The following PDE4D variants were observed in gnomAD, a reference collection of about 807,000 sequenced individuals.
PDE4D encodes the protein 3',5'-cyclic-AMP phosphodiesterase 4D.
In PDE4D, 24 loss-of-function variants were observed where a neutral mutation model predicts 87.4. The ratio of observed to expected loss-of-function variants is 0.27; its 90% confidence interval spans 0.20 to 0.39. The LOEUF is 0.39. Among genes scored for constraint, PDE4D ranks in the 10% least tolerant of loss-of-function variants. The pLI is 1.00. For synonymous variants in PDE4D, 384 were observed against 383.2 expected, an observed-to-expected ratio of 1.00 and a Z score of -0.02; for missense variants, 714 against 1,041.0, an observed-to-expected ratio of 0.69 and a Z score of 4.32.
At chr5:59,215,996 T>C in intron 1 of PDE4D, 28 bp from the exon 2 acceptor site, 1 of 1,528,068 alleles carries the variant, frequency 6.5e-7, no homozygotes, top group Non-Finnish European at 9.0e-7. Context: ...GGAATTATGT[T>C]GCTGTGAACA....
intron 1 of PDE4D, among the ~76,000 whole-genome samples, chr5:59,734,821 G>A (rs1376986373): frequency 6.6e-6 from 1 of 152,176 alleles, no homozygotes; most frequent in Non-Finnish European, 1.5e-5. Context: ...ATTAACCTGA[G>A]TGAGTCCAGT....
chr5:59,380,241 T>A (rs1582257864), intron 1 of PDE4D, among the ~76,000 whole-genome samples: 1 of 151,590 alleles, frequency 6.6e-6, no homozygotes, highest in African/African-American at 2.4e-5. Context: ...CACAACATAA[T>A]TCAAAATAAC....
upstream of PDE4D, among the ~76,000 whole-genome samples, chr5:60,492,285 A>G (rs369809958): frequency 5.9e-5 from 9 of 152,022 alleles, no homozygotes; most frequent in Admixed American, 2.0e-4. Context: ...AAACAAATAA[A>G]TAAATAGCTG....
At chr5:59,016,411 T>C (rs1467309873) in intron 6 of PDE4D, among the ~76,000 whole-genome samples, 1 of 136,880 alleles carries the variant, frequency 7.3e-6, no homozygotes, top group Non-Finnish European at 1.6e-5. Context: ...TTTTTTTTTT[T>C]AATGTAGTCC....
intron 1 of PDE4D, among the ~76,000 whole-genome samples, chr5:59,797,322 G>A (rs1766602602): frequency 6.6e-6 from 1 of 152,210 alleles, no homozygotes; most frequent in South Asian, 2.1e-4. Flanking sequence ...TGTACTGAAT[G>A]TTGTTGGCTT....
At chr5:60,092,125 A>C (rs1775207630) in intron 2 of PDE4D, among the ~76,000 whole-genome samples, 1 of 151,990 alleles carries the variant, frequency 6.6e-6, no homozygotes, top group African/African-American at 2.4e-5. Context: ...AGCCATAAAA[A>C]AGCAATGAAA....
At chr5:60,480,074 C>T (rs1337985630) in intron 1 of PDE4D, among the ~76,000 whole-genome samples, 1 of 152,132 alleles carries the variant, frequency 6.6e-6, no homozygotes, top group Non-Finnish European at 1.5e-5. Context: ...AGTGCAGGGG[C>T]AAACACTCTT....
intron 6 of PDE4D, among the ~76,000 whole-genome samples, chr5:59,026,275 G>A (rs901521382): frequency 6.6e-6 from 1 of 152,162 alleles, no homozygotes; most frequent in Non-Finnish European, 1.5e-5. Flanking sequence ...TCTGAGACAT[G>A]AGTATCTAAA....
chr5:60,193,430 G>A (rs1785353835), intron 1 of PDE4D, among the ~76,000 whole-genome samples: 1 of 152,088 alleles, frequency 6.6e-6, no homozygotes, highest in Admixed American at 6.5e-5. Flanking sequence ...CAGCACTTTG[G>A]GAGGCCGAGG....
intron 1 of PDE4D, among the ~76,000 whole-genome samples, chr5:60,374,583 C>T (rs994789330): frequency 2.0e-5 from 3 of 152,152 alleles, no homozygotes; most frequent in African/African-American, 7.2e-5. Context: ...TCATAAATTG[C>T]TCCAGGGAAG....
At chr5:59,180,523 G>T in intron 5 of PDE4D, 72 bp downstream of exon 5, 1 of 1,154,560 alleles carries the variant, frequency 8.7e-7, no homozygotes, top group Non-Finnish European at 1.3e-6. Flanking sequence ...ATTGGTGTTG[G>T]TGTTATATTG....
intron 1 of PDE4D, among the ~76,000 whole-genome samples, chr5:60,320,970 T>C (rs1342224118): frequency 1.3e-5 from 2 of 152,214 alleles, no homozygotes; most frequent in South Asian, 2.1e-4. Flanking sequence ...AAAACGGTCA[T>C]ATTGCCCAAA....
chr5:59,663,414 G>A lies in PDE4D; in HGVS notation c.455+229754C>T, dbSNP rs542931892. Among the ~76,000 whole-genome samples the A allele has an allele frequency of 2.3e-4, 35 of 152,000 alleles. No individual in the cohort carries two copies. The East Asian group carries it at 5.0e-3, about 22-fold the overall frequency. ...TCAAACTCCTGACTTCAGGTGATCC[G>A]CTTGCCTCAGCCTCCCAAAGTTCTG... On this transcript the variant is annotated intron_variant, in intron 1 of 14. Coordinates refer to ENST00000340635, the MANE Select transcript of PDE4D (RefSeq NM_001104631.2).
intron 1 of PDE4D, among the ~76,000 whole-genome samples, chr5:60,449,992 T>C (rs936609827): frequency 6.6e-6 from 1 of 151,172 alleles, no homozygotes; most frequent in Non-Finnish European, 1.5e-5. Context: ...TGTATACATG[T>C]GTTAAAATAT....
chr5:60,268,523 G>A (rs1750477195), intron 1 of PDE4D, among the ~76,000 whole-genome samples: 1 of 152,174 alleles, frequency 6.6e-6, no homozygotes, highest in South Asian at 2.1e-4. Flanking sequence ...CATAATGAAG[G>A]GCATTGCAAA....
chr5:59,563,478 A>C (rs1378726353), intron 1 of PDE4D, among the ~76,000 whole-genome samples: 1 of 152,250 alleles, frequency 6.6e-6, no homozygotes, highest in East Asian at 1.9e-4. Context: ...ACCTGGGTGG[A>C]AAGGACCCTT....
chr5:58,981,300 A>C (rs1401986244), intron 11 of PDE4D, among the ~76,000 whole-genome samples: 2 of 152,144 alleles, frequency 1.3e-5, no homozygotes, highest in African/African-American at 2.4e-5. Context: ...TAATTCTACC[A>C]AACAGGCTAC....
intron 1 of PDE4D, chr5:60,335,260 CTG>C (rs770382511): frequency 1.3e-5 from 2 of 152,146 alleles, no homozygotes; most frequent in East Asian, 1.9e-4. Context: ...ACAGAGGAGA[CTG>C]TGTATTTCAG....
intron 1 of PDE4D, among the ~76,000 whole-genome samples, chr5:60,363,419 C>G (rs760728448): frequency 1.3e-5 from 2 of 152,140 alleles, no homozygotes; most frequent in African/African-American, 2.4e-5. Flanking sequence ...AAGAGTCAAA[C>G]AGATTACAAG....
Sources: allele counts gnomAD v4.1 joint callset (sites outside exome capture counted in the v4.1 genomes callset), GRCh38; gene constraint gnomAD v4.1.1; transcripts MANE v1.5; gene names NCBI Gene and HGNC (gene_info 2026-07-23, HGNC 2026-07-21).